The following DPEP1 variants were observed in gnomAD, a reference collection of about 807,000 sequenced individuals.
The protein encoded by DPEP1 is beta-lactamase.
A neutral mutation model predicts 42.3 loss-of-function variants in DPEP1; 50 were observed. The ratio of observed to expected loss-of-function variants is 1.18; its 90% CI spans 0.94 to 1.50. DPEP1 has a LOEUF of 1.50. Ranked by LOEUF, DPEP1 falls within the 40% of genes most tolerant of loss-of-function variation. The pLI is 0.00. For synonymous variants in DPEP1, 297 were observed against 234.0 expected (o/e 1.27, Z -2.46); for missense variants, 663 against 553.0 (o/e 1.20, Z -1.99).
At chr16:89,624,695 C>T (rs796421128) in intron 1 of DPEP1, among the ~76,000 whole-genome samples, 6 of 151,928 alleles carry the variant, frequency 3.9e-5, no homozygotes, top group South Asian at 2.1e-4. Context: ...CAACCACGCC[C>T]GGCTAATTTT....
rs1239239717 is a variant in DPEP1 at position 89,637,231 on chromosome 16, G to A, written c.619G>A (p.Gly207Arg). The stretch of plus-strand genomic sequence containing the variant: ...TGTGGTGAAGGAGCTGAACCGTCTG[G>A]GGGTCCTCATCGACTTGGCTCACGT... ...QRVVKELNRL[G>R]VLIDLAHVSV... Residue 207 changes from glycine to arginine, a missense_variant, in exon 7 of 11, where the codon GGG becomes AGG. Transcript: ENST00000690203. The A allele has an allele frequency of 2.5e-6, 4 of 1,612,534 alleles. No homozygotes were observed. The African/African-American group carries it at 4.0e-5, about 16-fold the overall frequency.
intron 2 of DPEP1, among the ~76,000 whole-genome samples, chr16:89,631,170 C>G (rs903023258): frequency 1.3e-5 from 2 of 152,102 alleles, no homozygotes; most frequent in African/African-American, 4.8e-5. Flanking sequence ...CCCGGCCTGC[C>G]TTCTCCCGGG....
At chr16:89,638,958 CACACA>C (rs2151506526), downstream of DPEP1, among the ~76,000 whole-genome samples, 1 of 86,346 alleles carries the variant, frequency 1.2e-5, no homozygotes, top group Non-Finnish European at 2.3e-5. Context: ...CCTGCACACA[CACACA>C]CCGCACCCCT....
At chr16:89,623,782 GA>G (rs1220229435) in intron 1 of DPEP1, among the ~76,000 whole-genome samples, 21 of 152,282 alleles carry the variant, frequency 1.4e-4, no homozygotes, top group Middle Eastern at 3.4e-3. Flanking sequence ...ACCCCTGCCT[GA>G]AACCCTGGCC....
chr16:89,629,043 T>C (rs2059551545), intron 1 of DPEP1, among the ~76,000 whole-genome samples: 1 of 152,140 alleles, frequency 6.6e-6, no homozygotes, highest in African/African-American at 2.4e-5. Context: ...GCCAGGCTTG[T>C]CTTGAACTCC....
chr16:89,616,340 C>G (rs985782881), intron 1 of DPEP1, among the ~76,000 whole-genome samples: 11 of 152,124 alleles, frequency 7.2e-5, no homozygotes, highest in Non-Finnish European at 1.6e-4. Flanking sequence ...GCTGACCGGG[C>G]ACAGTTTCAC....
intron 1 of DPEP1, among the ~76,000 whole-genome samples, chr16:89,623,855 G>C (rs184125497): frequency 2.0e-5 from 3 of 152,246 alleles, no homozygotes; most frequent in Admixed American, 2.0e-4. Context: ...TCCCTGGACC[G>C]GAGGCAGAGG....
rs1426003431 is a variant in DPEP1 at position 89,636,107 on chromosome 16, TACAGTGGG to T, written c.237+70_237+77del. The T allele has an allele frequency of 7.1e-6, 11 of 1,556,324 alleles. No homozygotes were observed. In the Admixed American group the frequency reaches 7.5e-5, roughly 11 times the overall value. On this transcript the variant is annotated intron_variant, in intron 3 of 10. Coordinates refer to ENST00000690203, the MANE Select transcript of DPEP1 (RefSeq NM_001389466.1). ...TCCCGTCTCCTACCTCAGGCCTGGC[TACAGTGGG>T]ACCATCCCTGTGGTGTTCCTCCAGG...
chr16:89,623,632 C>T (rs963467732), intron 1 of DPEP1, among the ~76,000 whole-genome samples: 1 of 152,180 alleles, frequency 6.6e-6, no homozygotes, highest in Non-Finnish European at 1.5e-5. Flanking sequence ...CCTTGGAAAC[C>T]GCCCTCCGGA....
At chr16:89,627,057 C>G (rs574349458) in intron 1 of DPEP1, among the ~76,000 whole-genome samples, 7 of 147,508 alleles carry the variant, frequency 4.7e-5, no homozygotes, top group Non-Finnish European at 9.0e-5. Flanking sequence ...GTCAGGAGAT[C>G]GAGACCATCC....
At position 89,636,649 on chromosome 16, in the gene DPEP1, T is replaced by TA; in HGVS notation, c.488dup (p.Tyr163Ter). ...LRALYQLGMR[Y>*]LTLTHSCNTP... is the part of the protein sequence containing the mutation. ...GGCACTCTATCAGCTGGGCATGCGG[T>TA]ACCTGACCCTCACCCACAGCTGCAA... Residue 163 changes from tyrosine (Y) to a stop codon, truncating the protein, a stop_gained and frameshift_variant, in exon 5 of 11, where the codon TAC becomes TAAC. Transcript: ENST00000690203. LOFTEE classifies it high-confidence loss of function. 1 of 1,612,500 alleles carries TA rather than the reference T, an allele frequency of 6.2e-7. No individual in the cohort carries two copies. The highest frequency in any genetic ancestry group is 1.1e-5 in the South Asian group (1 of 91,084).
At chr16:89,641,285 G>GC (rs1567996499), downstream of DPEP1, among the ~76,000 whole-genome samples, 1 of 151,990 alleles carries the variant, frequency 6.6e-6, no homozygotes. Context: ...TTTCTAACGC[G>GC]CCCCCGGGGA....
At position 89,636,888 on chromosome 16, in the gene DPEP1, A is replaced by C; in HGVS notation, c.544A>C (p.Thr182Pro). The C allele has an allele frequency of 6.2e-7, 1 of 1,612,598 alleles. No individual in the cohort carries two copies. The highest frequency in any genetic ancestry group is 8.5e-7 in the Non-Finnish European group (1 of 1,179,930). ...TPWADNWLVD[T>P]GDSEPQSQGL... Reference sequence around the variant, plus strand: ...CAGGGCTGACAACTGGCTGGTGGACACGGGAGACAGCGAGCCCCAGAGCCA... The same window carrying C: ...CAGGGCTGACAACTGGCTGGTGGACCCGGGAGACAGCGAGCCCCAGAGCCA... The change falls in exon 6 of 11, where the codon ACG (threonine) becomes CCG (proline). Residue 182 changes from threonine (T) to proline (P), a missense_variant. Coordinates refer to ENST00000690203, the MANE Select transcript of DPEP1 (RefSeq NM_001389466.1).
Position 89,633,377 on chromosome 16 carries a change from G to A in DPEP1, c.105-2531G>A, listed in dbSNP as rs139091411. ...GCGCCCGCCCATCTGCCCAGGGGTG[G>A]GGCCGGAAAGCGTGCCAGGCTGGGC... On this transcript the variant is annotated intron_variant, in intron 2 of 10. Transcript: ENST00000690203. Among the ~76,000 whole-genome samples the A allele has an allele frequency of 6.0e-3, 909 of 152,386 alleles. 8 individuals are homozygous for A. The highest frequency in any genetic ancestry group is 0.021 in the African/African-American group (854 of 41,596).
chr16:89,634,212 T>C (rs1402764364), intron 2 of DPEP1, among the ~76,000 whole-genome samples: 4 of 150,954 alleles, frequency 2.6e-5, no homozygotes, highest in African/African-American at 4.9e-5. Flanking sequence ...CCTCAGCCTC[T>C]TGAGTAGCTG....
chr16:89,615,717 C>G (rs8044136), intron 1 of DPEP1, among the ~76,000 whole-genome samples: 65,193 of 152,008 alleles, frequency 0.43, 14,397 homozygotes, highest in East Asian at 0.74. Context: ...GAGCCGGGAA[C>G]CGGCCCCACG....
downstream of DPEP1, among the ~76,000 whole-genome samples, chr16:89,639,519 GCACACACACCCCCACCTCTGCACA>G (rs1419263367): frequency 1.3e-5 from 1 of 74,694 alleles, no homozygotes; most frequent in Non-Finnish European, 2.6e-5. Context: ...CCTCATCCTT[GCACACACACCCCCACCTCTGCACA>G]CACACACACC....
chr16:89,621,003 T>TG (rs1273243663), intron 1 of DPEP1, among the ~76,000 whole-genome samples: 3 of 151,320 alleles, frequency 2.0e-5, no homozygotes, highest in Admixed American at 1.3e-4. Context: ...TGGAACCGGG[T>TG]GGGGGGCCTC....
downstream of DPEP1, among the ~76,000 whole-genome samples, chr16:89,640,870 G>C (rs1319702959): frequency 6.6e-5 from 10 of 152,142 alleles, no homozygotes; most frequent in Admixed American, 5.2e-4. Context: ...TGGACGCGGA[G>C]ACCGGTAGTG....
Sources: allele counts gnomAD v4.1 joint callset (sites outside exome capture counted in the v4.1 genomes callset), GRCh38; gene constraint gnomAD v4.1.1; transcripts MANE v1.5; gene names NCBI Gene and HGNC (gene_info 2026-07-23, HGNC 2026-07-21).